ZFHX3: variants seen among roughly 807,000 people sequenced by gnomAD.
ZFHX3 encodes zinc finger homeobox protein 3.
ZFHX3 carries 42 observed loss-of-function variants against 279.1 expected under a neutral mutation model. That is an observed-to-expected ratio of 0.15 (90% confidence interval 0.12 to 0.19). The LOEUF is 0.19. Among genes scored for constraint, ZFHX3 ranks in the 10% least tolerant of loss-of-function variants. The pLI is 1.00. For synonymous variants in ZFHX3, 2,293 were observed against 1,957.8 expected (o/e 1.17, Z -4.52); for missense variants, 4,981 against 4,754.0 (o/e 1.05, Z -1.40).
intron 1 of ZFHX3, among the ~76,000 whole-genome samples, chr16:73,870,604 C>T (rs1011035625): frequency 2.0e-5 from 3 of 152,132 alleles, no homozygotes; most frequent in African/African-American, 7.2e-5. Context: ...ATTTGCAAAG[C>T]GTCTGAGAGC....
At chr16:73,726,438 G>A (rs911602553) in intron 1 of ZFHX3, among the ~76,000 whole-genome samples, 2 of 152,150 alleles carry the variant, frequency 1.3e-5, no homozygotes, top group African/African-American at 2.4e-5. Context: ...CCTTTGCTGT[G>A]GGGATTGTCC....
rs2143422827 is a variant in ZFHX3, at chr16:72,795,894, G to T, written c.6788C>A (p.Ala2263Asp). The T allele has an allele frequency of 6.2e-7, 1 of 1,614,116 alleles. No homozygotes were observed. The highest frequency in any genetic ancestry group is 1.1e-5 in the South Asian group (1 of 91,066). Residue 2263 changes from alanine (A) to aspartate (D), a missense_variant, in exon 9 of 10, where the codon GCC (alanine) becomes GAC (aspartate). By Grantham distance (126) the Ala-to-Asp change is moderately radical. Coordinates refer to ENST00000268489, the MANE Select transcript of ZFHX3 (RefSeq NM_006885.4). ...QLRVLQDFFD[A>D]NAYPKDDEFE... Reference sequence around the variant, plus strand: ...TTCATCATCCTTTGGGTAAGCATTGGCATCGAAGAAGTCCTGTAAGACCCT... The same window carrying T: ...TTCATCATCCTTTGGGTAAGCATTGTCATCGAAGAAGTCCTGTAAGACCCT...
At chr16:73,780,940 C>T (rs1959449525) in intron 1 of ZFHX3, among the ~76,000 whole-genome samples, 1 of 152,152 alleles carries the variant, frequency 6.6e-6, no homozygotes, top group South Asian at 2.1e-4. Context: ...TCCCTGGGTA[C>T]ACATGAAAGG....
At chr16:73,205,727 T>C (rs1370057954) in intron 5 of ZFHX3, among the ~76,000 whole-genome samples, 1 of 152,180 alleles carries the variant, frequency 6.6e-6, no homozygotes, top group Non-Finnish European at 1.5e-5. Context: ...GTAAAAATAA[T>C]ACACAAGGGA....
intron 3 of ZFHX3, among the ~76,000 whole-genome samples, chr16:73,403,868 A>G (rs958211507): frequency 1.3e-5 from 2 of 152,216 alleles, no homozygotes; most frequent in Middle Eastern, 3.4e-3. Flanking sequence ...AAATTTGCCA[A>G]ATGTGCAGAC....
intron 4 of ZFHX3, among the ~76,000 whole-genome samples, chr16:72,835,624 C>T (rs141674594): frequency 3.9e-5 from 6 of 152,154 alleles, no homozygotes; most frequent in East Asian, 1.9e-4. Flanking sequence ...GTGGGAAAGG[C>T]GGGGTACACT....
intron 3 of ZFHX3, among the ~76,000 whole-genome samples, chr16:73,382,479 C>T (rs1395130688): frequency 6.6e-6 from 1 of 152,080 alleles, no homozygotes; most frequent in Non-Finnish European, 1.5e-5. Flanking sequence ...GCGATTGGAG[C>T]CCTTGGAGGT....
intron 1 of ZFHX3, among the ~76,000 whole-genome samples, chr16:73,041,292 T>C (rs977055512): frequency 3.3e-5 from 5 of 152,096 alleles, no homozygotes; most frequent in Non-Finnish European, 5.9e-5. Context: ...GCAAAATATA[T>C]TGACAGTCCT....
intron 5 of ZFHX3, among the ~76,000 whole-genome samples, chr16:73,195,295 T>A (rs1012279703): frequency 1.3e-5 from 2 of 149,844 alleles, no homozygotes; most frequent in Non-Finnish European, 1.5e-5. Context: ...GAAAAACTGA[T>A]TTTTTCCGAA....
intron 1 of ZFHX3, among the ~76,000 whole-genome samples, chr16:73,754,213 C>T (rs2060542941): frequency 6.6e-6 from 1 of 152,168 alleles, no homozygotes; most frequent in African/African-American, 2.4e-5. Flanking sequence ...AGTATTTCTA[C>T]TCAAAAAACG....
At chr16:73,025,830 A>G (rs1548374) in intron 1 of ZFHX3, among the ~76,000 whole-genome samples, 87,218 of 152,062 alleles carry the variant, frequency 0.57, 26,596 homozygotes, top group East Asian at 0.93. Context: ...AAATCACAGC[A>G]GTCACTGAGG....
chr16:72,872,471 T>A (rs887359039), intron 4 of ZFHX3, among the ~76,000 whole-genome samples: 2 of 152,214 alleles, frequency 1.3e-5, no homozygotes, highest in Non-Finnish European at 2.9e-5. Context: ...TGTTTTGCTT[T>A]TTTTGAGACA....
At chr16:73,774,524 C>T (rs2054055459) in intron 1 of ZFHX3, among the ~76,000 whole-genome samples, 1 of 152,214 alleles carries the variant, frequency 6.6e-6, no homozygotes, top group Non-Finnish European at 1.5e-5. Flanking sequence ...TACCTCCAGA[C>T]TCAATCTTTA....
intron 4 of ZFHX3, among the ~76,000 whole-genome samples, chr16:73,277,147 C>T (rs1445603535): frequency 6.6e-6 from 1 of 152,220 alleles, no homozygotes; most frequent in African/African-American, 2.4e-5. Context: ...TTGCTATGGG[C>T]TTGGCAAACA....
intron 4 of ZFHX3, among the ~76,000 whole-genome samples, chr16:73,311,169 G>A (rs982843018): frequency 3.6e-4 from 55 of 152,096 alleles, no homozygotes; most frequent in African/African-American, 1.3e-3. Flanking sequence ...GGAGGCAGAG[G>A]TTGCAGAGAG....
intron 2 of ZFHX3, among the ~76,000 whole-genome samples, chr16:73,658,119 C>A (rs2052741066): frequency 6.6e-6 from 1 of 152,128 alleles, no homozygotes; most frequent in South Asian, 2.1e-4. Flanking sequence ...ATAGCTTTTA[C>A]TGTGATAATA....
At chr16:73,577,514 C>G (rs1196367605) in intron 2 of ZFHX3, among the ~76,000 whole-genome samples, 1 of 152,150 alleles carries the variant, frequency 6.6e-6, no homozygotes, top group Non-Finnish European at 1.5e-5. Flanking sequence ...AGACACAGAA[C>G]TGAGCAGGCT....
In ZFHX3 at chr16:73,565,738, C is replaced by T. The variant is rs1176720945; in HGVS notation, c.-1546-109480G>A. ...TTTTTACTCTCCTACACAGGTTAGT[C>T]CCTTTTTTATGTGAAGTAAGAATTC... On this transcript the variant is annotated intron_variant, in intron 2 of 17. Coordinates refer to the ZFHX3 transcript ENST00000641206. Among the ~76,000 whole-genome samples, 3 of 152,150 alleles carry T rather than the reference C, an allele frequency of 2.0e-5. No homozygotes were observed. The East Asian group carries it at 5.8e-4, about 29-fold the overall frequency.
intron 1 of ZFHX3, among the ~76,000 whole-genome samples, chr16:73,762,541 G>T (rs989946302): frequency 6.6e-6 from 1 of 152,018 alleles, no homozygotes; most frequent in Non-Finnish European, 1.5e-5. Flanking sequence ...TGCTCATTGC[G>T]CACTACTCAC....
Sources: allele counts gnomAD v4.1 joint callset (sites outside exome capture counted in the v4.1 genomes callset), GRCh38; gene constraint gnomAD v4.1.1; transcripts MANE v1.5; gene names NCBI Gene and HGNC (gene_info 2026-07-23, HGNC 2026-07-21).